The following RGL1 variants were observed in gnomAD, a reference collection of about 807,000 sequenced individuals.
The protein encoded by RGL1 is ral guanine nucleotide dissociation stimulator like 1.
Under a neutral mutation model 95.2 loss-of-function variants are expected in RGL1, and 24 were observed. That is an observed-to-expected ratio of 0.25 (90% CI 0.18 to 0.35). The LOEUF is 0.35. Among genes scored for constraint, RGL1 ranks in the 10% least tolerant of loss-of-function variants. The pLI is 1.00. For missense variants in RGL1, 715 were observed against 936.3 expected (o/e 0.76, Z 3.08); for synonymous variants, 329 against 344.9 (o/e 0.95, Z 0.51).
intron 2 of RGL1, among the ~76,000 whole-genome samples, chr1:183,752,314 C>T (rs545622155): frequency 1.3e-5 from 2 of 151,944 alleles, no homozygotes; most frequent in Non-Finnish European, 2.9e-5. Flanking sequence ...GCAACTTCCG[C>T]CTCCTGGTTT....
chr1:183,648,767 A>G (rs1650504432), intron 1 of RGL1: 1 of 1,597,292 alleles, frequency 6.3e-7, no homozygotes, highest in Non-Finnish European at 8.5e-7. Flanking sequence ...GGTACTCCTC[A>G]TATATGGGCT....
At chr1:183,725,994 A>C (rs1373464874) in intron 1 of RGL1, among the ~76,000 whole-genome samples, 1 of 152,198 alleles carries the variant, frequency 6.6e-6, no homozygotes, top group African/African-American at 2.4e-5. Flanking sequence ...ATTAGAAATA[A>C]GCAATAGAAA....
intron 11 of RGL1, 104 bp from the exon 12 acceptor site, chr1:183,902,464 G>A: frequency 2.4e-6 from 2 of 827,948 alleles, no homozygotes; most frequent in South Asian, 4.7e-5. Context: ...TGATAATTGT[G>A]ACTTTATCAC....
At chr1:183,788,843 C>A (rs1304769883) in intron 2 of RGL1, among the ~76,000 whole-genome samples, 1 of 152,058 alleles carries the variant, frequency 6.6e-6, no homozygotes, top group Non-Finnish European at 1.5e-5. Flanking sequence ...TAGGGGGGCA[C>A]GTCCAGGATT....
chr1:183,823,070 C>T (rs1662601117), intron 2 of RGL1, among the ~76,000 whole-genome samples: 3 of 152,096 alleles, frequency 2.0e-5, no homozygotes, highest in African/African-American at 4.8e-5. Flanking sequence ...AGCCAAAGCA[C>T]TTTGTACTTC....
chr1:183,716,674 T>G (rs1476714779), intron 1 of RGL1, among the ~76,000 whole-genome samples: 1 of 152,256 alleles, frequency 6.6e-6, no homozygotes, highest in African/African-American at 2.4e-5. Flanking sequence ...TCCCAGCATG[T>G]CCACTGTACC....
chr1:183,762,679 A>G (rs1392458960), intron 2 of RGL1, among the ~76,000 whole-genome samples: 1 of 152,112 alleles, frequency 6.6e-6, no homozygotes, highest in East Asian at 1.9e-4. Flanking sequence ...ACAAATCAAA[A>G]CCACAATGAG....
chr1:183,838,955 G>A (rs773829256), intron 2 of RGL1, among the ~76,000 whole-genome samples: 1 of 152,206 alleles, frequency 6.6e-6, no homozygotes, highest in African/African-American at 2.4e-5. Context: ...CCAGCATACC[G>A]CTGTCTAAGC....
At chr1:183,886,687 G>T (rs915349110) in intron 7 of RGL1, among the ~76,000 whole-genome samples, 4 of 152,050 alleles carry the variant, frequency 2.6e-5, no homozygotes, top group African/African-American at 9.7e-5. Flanking sequence ...TACTGAGTAT[G>T]TTGTATCTTT....
intron 2 of RGL1, among the ~76,000 whole-genome samples, chr1:183,758,677 C>T (rs2102301285): frequency 6.6e-6 from 1 of 152,032 alleles, no homozygotes; most frequent in African/African-American, 2.4e-5. Flanking sequence ...GGCATGAATC[C>T]CATTCATGAA....
chr1:183,836,355 A>T (rs1231833706), intron 2 of RGL1, among the ~76,000 whole-genome samples: 1 of 151,902 alleles, frequency 6.6e-6, no homozygotes, highest in Non-Finnish European at 1.5e-5. Context: ...GGTTCAAGCG[A>T]GTCTCCTGCC....
In RGL1 at chr1:183,909,173, G is replaced by C. The variant is rs558712719; in HGVS notation, c.1562+2072G>C. 3.9e-5 allele frequency among the ~76,000 whole-genome samples: 6 copies of C among 152,230 alleles called. No individual in the cohort carries two copies. In the South Asian group the frequency reaches 8.3e-4, roughly 21 times the overall value. ...TTCATATGCCCCCATCTTATTTCTT[G>C]TACATACAAGGGTGTTTGCATACCA... On this transcript the variant is annotated intron_variant, in intron 14 of 17. Coordinates refer to ENST00000360851, the MANE Select transcript of RGL1 (RefSeq NM_001297671.3).
At chr1:183,642,118 A>C (rs756706279) in intron 1 of RGL1, among the ~76,000 whole-genome samples, 10 of 152,202 alleles carry the variant, frequency 6.6e-5, no homozygotes, top group African/African-American at 1.2e-4. Context: ...GAAGTCAACT[A>C]TCTAAGACTC....
chr1:183,887,898 G>A (rs1388731753), intron 7 of RGL1, among the ~76,000 whole-genome samples: 3 of 152,218 alleles, frequency 2.0e-5, no homozygotes, highest in African/African-American at 7.2e-5. Context: ...AATGTTTATG[G>A]TTGCAGGACA....
chr1:183,828,784 C>T (rs1353185738), intron 2 of RGL1, among the ~76,000 whole-genome samples: 1 of 152,214 alleles, frequency 6.6e-6, no homozygotes, highest in Non-Finnish European at 1.5e-5. Flanking sequence ...GTATTCATTT[C>T]CTCTGATCTG....
rs998136833 is a variant in RGL1, at chr1:183,860,022, G to A, written c.348-5974G>A. Among the ~76,000 whole-genome samples, 10 of 152,224 alleles carry A rather than the reference G, an allele frequency of 6.6e-5. No individual in the cohort carries two copies. In the South Asian group the frequency reaches 8.3e-4, roughly 13 times the overall value. On this transcript the variant is annotated intron_variant, in intron 3 of 17. Coordinates refer to ENST00000360851, the MANE Select transcript of RGL1 (RefSeq NM_001297671.3). ...ATCTGCAGGCTATTTCACCCATGTC[G>A]TTCTCCTGAGTCAAGGTCAGCTTCT...
At chr1:183,794,821 G>A (rs1660615457) in intron 2 of RGL1, among the ~76,000 whole-genome samples, 1 of 152,160 alleles carries the variant, frequency 6.6e-6, no homozygotes, top group African/African-American at 2.4e-5. Context: ...GGTCCTTTAA[G>A]AGCGAGTACC....
chr1:183,711,628 G>A (rs1655276328), intron 1 of RGL1, among the ~76,000 whole-genome samples: 1 of 152,154 alleles, frequency 6.6e-6, no homozygotes, highest in Non-Finnish European at 1.5e-5. Context: ...GCCTTGGAGG[G>A]GAATTCATTC....
chr1:183,723,415 A>G (rs924844818), intron 1 of RGL1, among the ~76,000 whole-genome samples: 6 of 152,232 alleles, frequency 3.9e-5, no homozygotes, highest in Non-Finnish European at 7.3e-5. Flanking sequence ...ACTGAAGAGG[A>G]TAGGAAAAAC....
Sources: allele counts gnomAD v4.1 joint callset (sites outside exome capture counted in the v4.1 genomes callset), GRCh38; gene constraint gnomAD v4.1.1; transcripts MANE v1.5; gene names NCBI Gene and HGNC (gene_info 2026-07-23, HGNC 2026-07-21).